GALNT14: variants seen among roughly 807,000 people sequenced by gnomAD.
GALNT14 encodes the protein UDP-GalNAc:polypeptide N-acetylgalactosaminyltransferase 14.
In GALNT14, 60 loss-of-function variants were observed where a neutral mutation model predicts 77.5. That is an observed-to-expected ratio of 0.77 (90% CI 0.63 to 0.96). The LOEUF is 0.96. Ranked by LOEUF, GALNT14 falls within the 40% of genes least tolerant of loss-of-function variation. GALNT14 has a pLI of 0.00. For synonymous variants in GALNT14, 280 were observed against 281.7 expected (o/e 0.99, Z 0.06); for missense variants, 710 against 731.0 (o/e 0.97, Z 0.33).
the GALNT14 span, among the ~76,000 whole-genome samples, chr2:30,891,592 T>C: frequency 6.6e-6 from 1 of 152,216 alleles, no homozygotes; most frequent in South Asian, 2.1e-4. Flanking sequence ...AATGCAGTCA[T>C]GAACCCTAGT....
chr2:31,125,485 G>A (rs1195202104), intron 1 of GALNT14, among the ~76,000 whole-genome samples: 1 of 152,084 alleles, frequency 6.6e-6, no homozygotes, highest in Non-Finnish European at 1.5e-5. Flanking sequence ...CATTCTTCAG[G>A]AGAATGGAAG....
At chr2:30,900,991 C>A in the GALNT14 span, among the ~76,000 whole-genome samples, 14 of 152,154 alleles carry the variant, frequency 9.2e-5, no homozygotes, top group Non-Finnish European at 1.8e-4. Context: ...AAATGATAAT[C>A]TGGGGAAGAC....
At chr2:30,931,665 A>G (rs906156752) in intron 10 of GALNT14, among the ~76,000 whole-genome samples, 1 of 152,088 alleles carries the variant, frequency 6.6e-6, no homozygotes, top group Non-Finnish European at 1.5e-5. Flanking sequence ...CATCTGCCCA[A>G]AGACCTCTCC....
intron 1 of GALNT14, among the ~76,000 whole-genome samples, chr2:31,085,266 G>C (rs1676370103): frequency 2.6e-5 from 4 of 152,146 alleles, no homozygotes. Flanking sequence ...GGAAAGGCAG[G>C]CTTGGATCTC....
chr2:31,034,424 T>C (rs75201348), intron 1 of GALNT14, among the ~76,000 whole-genome samples: 2,026 of 152,312 alleles, frequency 0.013, 45 homozygotes, highest in African/African-American at 0.044. Flanking sequence ...CACTTCAAAA[T>C]AGAATGCAGC....
intron 3 of GALNT14, among the ~76,000 whole-genome samples, chr2:30,963,873 T>A (rs1667837742): frequency 6.6e-6 from 1 of 152,178 alleles, no homozygotes; most frequent in Admixed American, 6.5e-5. Flanking sequence ...AATTAACCCT[T>A]AGCAACCCTA....
intron 1 of GALNT14, among the ~76,000 whole-genome samples, chr2:31,043,359 C>T (rs1673220278): frequency 6.6e-6 from 1 of 152,156 alleles, no homozygotes; most frequent in Non-Finnish European, 1.5e-5. Context: ...TATTGGCTAT[C>T]CTCCCTTGCT....
At position 30,910,826 on chromosome 2, in the gene GALNT14, T is replaced by A. The variant is rs1037687446; in HGVS notation, c.*75A>T. The A allele has an allele frequency of 2.6e-6, 4 of 1,525,812 alleles. No individual in the cohort carries two copies. In the African/African-American group the frequency reaches 5.5e-5, roughly 21 times the overall value. The allele number at this position is 1,525,812 out of a possible 1,614,324, so 94.5% of individuals were successfully genotyped here. Reference sequence around the variant, plus strand: ...ATGTCTGAGGTGGTTGCAGGCTGCTTGCTGCCCAGTTTCCAGTCTGTTCTG... The same window carrying A: ...ATGTCTGAGGTGGTTGCAGGCTGCTAGCTGCCCAGTTTCCAGTCTGTTCTG... On this transcript the variant is annotated 3_prime_UTR_variant, in exon 15 of 15. Coordinates refer to ENST00000349752, the MANE Select transcript of GALNT14 (RefSeq NM_024572.4).
At chr2:31,065,908 A>G (rs760314126) in intron 1 of GALNT14, among the ~76,000 whole-genome samples, 2 of 152,124 alleles carry the variant, frequency 1.3e-5, no homozygotes, top group Non-Finnish European at 2.9e-5. Flanking sequence ...GAGACCATCC[A>G]AAAACTTAAC....
intron 10 of GALNT14, among the ~76,000 whole-genome samples, chr2:30,931,371 G>C (rs1665715854): frequency 6.6e-6 from 1 of 152,200 alleles, no homozygotes; most frequent in African/African-American, 2.4e-5. Flanking sequence ...GGAAAAGATG[G>C]AAAGAGGAAT....
intron 1 of GALNT14, among the ~76,000 whole-genome samples, chr2:31,114,561 T>G (rs1410710904): frequency 3.0e-4 from 45 of 151,884 alleles, no homozygotes; most frequent in Non-Finnish European, 7.4e-5. Flanking sequence ...GAAGATCAAG[T>G]AGAAAAATAC....
At chr2:30,976,158 G>A (rs1319518433) in intron 2 of GALNT14, among the ~76,000 whole-genome samples, 1 of 152,114 alleles carries the variant, frequency 6.6e-6, no homozygotes, top group East Asian at 1.9e-4. Context: ...TCTTTGTTCT[G>A]GAACCAGCAG....
the GALNT14 span, among the ~76,000 whole-genome samples, chr2:30,897,597 G>T: frequency 1.3e-5 from 2 of 152,186 alleles, no homozygotes; most frequent in African/African-American, 2.4e-5. Flanking sequence ...GCTTCTGGGG[G>T]TGCTGAGCCC....
At chr2:31,000,794 T>C (rs186233533) in intron 1 of GALNT14, among the ~76,000 whole-genome samples, 89 of 152,260 alleles carry the variant, frequency 5.8e-4, no homozygotes, top group African/African-American at 1.9e-3. Flanking sequence ...CAGAATAATA[T>C]TTGACCAAAT....
At chr2:31,070,316 A>G (rs1264289045) in intron 1 of GALNT14, among the ~76,000 whole-genome samples, 2 of 152,316 alleles carry the variant, frequency 1.3e-5, no homozygotes, top group South Asian at 2.1e-4. Context: ...TAGAAAGGGG[A>G]CCACGTAGGT....
Position 31,008,869 on chromosome 2 carries a change from G to A in GALNT14, c.130-15862C>T, listed in dbSNP as rs143181164. Among the ~76,000 whole-genome samples the A allele has an allele frequency of 1.1e-4, 16 of 152,300 alleles. No homozygotes were observed. In the East Asian group the frequency reaches 2.1e-3, roughly 20 times the overall value. The stretch of plus-strand genomic sequence containing the variant: ...ACTCTAGCTTCCTGCTGGGGGAGGC[G>A]GCTCCCTGCACGGGTGGCCGGGGAC... On this transcript the variant is annotated intron_variant, in intron 1 of 14. Coordinates refer to ENST00000349752, the MANE Select transcript of GALNT14 (RefSeq NM_024572.4).
rs185096722 is a variant in GALNT14 at position 31,135,130 on chromosome 2, C to T, written c.129+2828G>A. 1.5e-4 allele frequency among the ~76,000 whole-genome samples: 23 copies of T among 152,284 alleles called. No individual in the cohort carries two copies. In the Middle Eastern group the frequency reaches 0.01, roughly 68 times the overall value. The stretch of plus-strand genomic sequence containing the variant: ...TATTTACATGCAGCCAACCAAACCA[C>T]GATCAACAGACTTGGTATTCTTCAT... On this transcript the variant is annotated intron_variant, in intron 1 of 14. Transcript: ENST00000349752.
At chr2:31,135,521 A>C (rs1351629382) in intron 1 of GALNT14, among the ~76,000 whole-genome samples, 1 of 149,330 alleles carries the variant, frequency 6.7e-6, no homozygotes, top group Non-Finnish European at 1.5e-5. Flanking sequence ...ATACTAACAA[A>C]AAAAAAAGAA....
chr2:30,908,609 A>G (rs1415826606), downstream of GALNT14, among the ~76,000 whole-genome samples: 2 of 138,394 alleles, frequency 1.4e-5, no homozygotes, highest in Non-Finnish European at 3.1e-5. Context: ...GGAAGAATCA[A>G]TATCATGAAA....
Sources: gnomAD v4.1 joint callset for allele counts (sites outside exome capture counted in the v4.1 genomes callset) on GRCh38, gnomAD v4.1.1 for gene constraint, MANE v1.5 for transcripts, NCBI Gene and HGNC (gene_info 2026-07-23, HGNC 2026-07-21) for gene names.